ABHD18: variants seen among roughly 807,000 people sequenced by gnomAD.
ABHD18 encodes cardiolipin-specific deacylase, mitochondrial.
In ABHD18, 55 loss-of-function variants were observed where a neutral mutation model predicts 65.9. That is an observed-to-expected ratio of 0.84 (90% CI 0.67 to 1.05). The LOEUF (loss-of-function observed/expected upper bound fraction) is 1.05. Among genes scored for constraint, ABHD18 ranks in the 50% least tolerant of loss-of-function variants. The probability of loss-of-function intolerance (pLI) is 0.00; values close to 1 mark genes in which losing one functional copy is unlikely to be tolerated. For synonymous variants in ABHD18, 181 were observed against 180.2 expected (o/e 1.00, Z -0.04); for missense variants, 533 against 558.5 (o/e 0.95, Z 0.46).
At chr4:128,019,113 A>T (rs1756040280) in intron 8 of ABHD18, among the ~76,000 whole-genome samples, 2 of 151,968 alleles carry the variant, frequency 1.3e-5, no homozygotes, top group Admixed American at 1.3e-4. Flanking sequence ...CATTGTTATC[A>T]CCTAGGTCAG....
chr4:128,006,666 C>A (rs1024254860), intron 4 of ABHD18, among the ~76,000 whole-genome samples: 2 of 152,074 alleles, frequency 1.3e-5, no homozygotes, highest in Admixed American at 1.3e-4. Flanking sequence ...TTCTAAAATA[C>A]GAACTGCTAA....
intron 7 of ABHD18, among the ~76,000 whole-genome samples, chr4:128,012,761 A>T (rs1754788384): frequency 6.6e-6 from 1 of 151,918 alleles, no homozygotes; most frequent in East Asian, 1.9e-4. Flanking sequence ...GTAGTACAAG[A>T]TGAGGTCAGA....
chr4:128,039,173 ATATATATATAT>A lies in ABHD18; in HGVS notation c.*3361_*3371del, dbSNP rs1163241885. ...TATATATATATATATATATATATATATATATATATATAATCTCAAAGAAGTGCGGTCTGCCA... is the reference window on the plus strand; with the variant it reads ...TATATATATATATATATATATATATAAATCTCAAAGAAGTGCGGTCTGCCA... On this transcript the variant is annotated 3_prime_UTR_variant, in exon 13 of 13. Coordinates refer to ENST00000645843, the MANE Select transcript of ABHD18 (RefSeq NM_001358451.3). The A allele has an allele frequency of 5.8e-5, 7 of 120,738 alleles. 1 individual carries two copies. The South Asian group carries it at 8.4e-4, about 14-fold the overall frequency. 7.5% of individuals were successfully genotyped at this position (120,738 alleles called of 1,614,324 possible).
At chr4:128,021,322 C>T (rs554144877) in intron 10 of ABHD18, 84 bp downstream of exon 10, 6 of 843,624 alleles carry the variant, frequency 7.1e-6, no homozygotes, top group Non-Finnish European at 1.1e-5. Flanking sequence ...AAGAGAATAG[C>T]AAATTTTTAA....
At chr4:127,980,027 A>G (rs1215923497) in intron 1 of ABHD18, among the ~76,000 whole-genome samples, 1 of 152,150 alleles carries the variant, frequency 6.6e-6, no homozygotes, top group Non-Finnish European at 1.5e-5. Flanking sequence ...AATGTGTTAC[A>G]TTACTTTAGT....
rs1759058252 is a variant in ABHD18 at position 128,038,353 on chromosome 4, A to G, written c.*2540A>G. ...AACTGAATTACGATTTTCTTATATTATGTATATAGTGAGGTTATATGATTG... is the reference window on the plus strand; with the variant it reads ...AACTGAATTACGATTTTCTTATATTGTGTATATAGTGAGGTTATATGATTG... On this transcript the variant is annotated 3_prime_UTR_variant, in exon 13 of 13. Transcript: ENST00000645843. The G allele has an allele frequency of 6.6e-6, 1 of 152,204 alleles. No homozygotes were observed. Among genetic ancestry groups the G allele is most frequent in the African/African-American group, 2.4e-5 (1 of 41,458 alleles). The allele number at this position is 152,204 out of a possible 1,614,324, so 9.4% of individuals were successfully genotyped here.
At chr4:128,018,700 T>C (rs1470999085) in intron 8 of ABHD18, among the ~76,000 whole-genome samples, 1 of 152,024 alleles carries the variant, frequency 6.6e-6, no homozygotes, top group Non-Finnish European at 1.5e-5. Context: ...ATTAGAAAAT[T>C]AAGCTCAAAA....
intron 1 of ABHD18, among the ~76,000 whole-genome samples, chr4:127,969,794 C>T (rs1053413058): frequency 9.3e-5 from 14 of 150,304 alleles, no homozygotes; most frequent in African/African-American, 3.4e-4. Flanking sequence ...GTTGCCGAGG[C>T]TGGAGTGCAG....
intron 4 of ABHD18, chr4:128,001,614 C>T: frequency 2.0e-5 from 22 of 1,113,754 alleles, no homozygotes; most frequent in Admixed American, 3.4e-5. Flanking sequence ...CTTTATTATC[C>T]CTCATACTTA....
rs1210059133 is a variant in ABHD18 at position 128,039,321 on chromosome 4, T to C, written c.*3508T>C. 2 of 151,876 alleles carry C rather than the reference T, an allele frequency of 1.3e-5. No individual in the cohort carries two copies. Among genetic ancestry groups the C allele is most frequent in the African/African-American group, 4.8e-5 (2 of 41,392 alleles). The allele number at this position is 151,876 out of a possible 1,614,324, so 9.4% of individuals were successfully genotyped here. ...GCCAGTTTGACCCACAGTTATTTTA[T>C]TAGATGTACATAATGTTTCAAAAAT... On this transcript the variant is annotated 3_prime_UTR_variant, in exon 13 of 13. Coordinates refer to ENST00000645843, the MANE Select transcript of ABHD18 (RefSeq NM_001358451.3).
At chr4:128,017,859 T>C (rs183523311) in intron 8 of ABHD18, among the ~76,000 whole-genome samples, 2 of 152,304 alleles carry the variant, frequency 1.3e-5, no homozygotes, top group African/African-American at 4.8e-5. Flanking sequence ...ACTAACCTAT[T>C]TTACTTTTTG....
chr4:128,023,942 T>C (rs1329425259), intron 10 of ABHD18, among the ~76,000 whole-genome samples: 1 of 152,190 alleles, frequency 6.6e-6, no homozygotes, highest in Non-Finnish European at 1.5e-5. Context: ...ATCAGAAGAA[T>C]ACCTGTATTT....
intron 1 of ABHD18, among the ~76,000 whole-genome samples, chr4:127,975,735 A>G (rs893111369): frequency 1.3e-5 from 2 of 152,198 alleles, no homozygotes; most frequent in Admixed American, 6.5e-5. Flanking sequence ...ACTTTATGGC[A>G]TATAGAATTT....
chr4:128,032,103 T>C (rs907854999), intron 12 of ABHD18, among the ~76,000 whole-genome samples: 19 of 152,148 alleles, frequency 1.2e-4, no homozygotes, highest in African/African-American at 4.1e-4. Flanking sequence ...AGATTTATAA[T>C]CAAAGTCAAA....
chr4:128,033,567 CCT>C (rs1253437246), intron 12 of ABHD18, among the ~76,000 whole-genome samples: 3 of 141,434 alleles, frequency 2.1e-5, no homozygotes, highest in African/African-American at 7.9e-5. Context: ...ACAGAGTCTC[CCT>C]CTGTCACTCA....
rs145173720 is a variant in ABHD18 at position 127,984,914 on chromosome 4, A to G, written c.177+491A>G. ...ATTTGTGCGTTAACTGGATGTTTTT[A>G]ATAACTATGTTCACATATATTGGAA... On this transcript the variant is annotated intron_variant, in intron 3 of 12. Coordinates refer to ENST00000645843, the MANE Select transcript of ABHD18 (RefSeq NM_001358451.3). 3.0e-3 allele frequency among the ~76,000 whole-genome samples: 462 copies of G among 152,362 alleles called. 3 individuals carry two copies. Among genetic ancestry groups the G allele is most frequent in the African/African-American group, 0.01 (434 of 41,592 alleles).
intron 10 of ABHD18, among the ~76,000 whole-genome samples, chr4:128,024,353 G>T (rs1169327797): frequency 6.6e-6 from 1 of 152,112 alleles, no homozygotes; most frequent in Non-Finnish European, 1.5e-5. Context: ...CTAATTAAAG[G>T]TCCCACCTTT....
Position 128,011,933 on chromosome 4 carries a change from A to C in ABHD18, c.470+233A>C, listed in dbSNP as rs1039885975. On this transcript the variant is annotated intron_variant, in intron 7 of 12. Coordinates refer to ENST00000645843, the MANE Select transcript of ABHD18 (RefSeq NM_001358451.3). ...ATAAAAAATTTTAACAGGTAGACTT[A>C]ATATATAGTTTAGTTGTGAAACTGT... Among the ~76,000 whole-genome samples the C allele has an allele frequency of 1.8e-3, 279 of 152,116 alleles. 1 individual carries two copies. The highest frequency in any genetic ancestry group is 6.6e-3 in the African/African-American group (273 of 41,516).
At chr4:127,981,620 T>C (rs1749066313) in intron 1 of ABHD18, among the ~76,000 whole-genome samples, 1 of 152,202 alleles carries the variant, frequency 6.6e-6, no homozygotes, top group African/African-American at 2.4e-5. Context: ...GGTTCATCTA[T>C]GGTGAACTGC....
Sources: gnomAD v4.1 joint callset for allele counts (sites outside exome capture counted in the v4.1 genomes callset) on GRCh38, gnomAD v4.1.1 for gene constraint, MANE v1.5 for transcripts, NCBI Gene and HGNC (gene_info 2026-07-23, HGNC 2026-07-21) for gene names.